PTPRA: variants seen among roughly 807,000 people sequenced by gnomAD.
PTPRA encodes receptor-type tyrosine-protein phosphatase alpha.
A neutral mutation model predicts 104.8 loss-of-function variants in PTPRA; 25 were observed. That is an observed-to-expected ratio of 0.24 (90% CI 0.17 to 0.33). The LOEUF is 0.33. Ranked by LOEUF, PTPRA falls within the 10% of genes least tolerant of loss-of-function variation. PTPRA has a pLI of 1.00. For synonymous variants in PTPRA, 323 were observed against 368.9 expected (o/e 0.88, Z 1.43); for missense variants, 765 against 1,015.3 (o/e 0.75, Z 3.35).
chr20:3,036,434 C>T (rs1027646053), intron 22 of PTPRA, among the ~76,000 whole-genome samples: 13 of 152,246 alleles, frequency 8.5e-5, no homozygotes, highest in Non-Finnish European at 4.4e-5. Flanking sequence ...TGAGGGGTCC[C>T]TGGCCAGGGC....
the PTPRA span, among the ~76,000 whole-genome samples, chr20:2,868,154 C>A: frequency 6.6e-6 from 1 of 152,080 alleles, no homozygotes; most frequent in African/African-American, 2.4e-5. Context: ...GTGGCTGGGT[C>A]CCAAGGACAA....
At chr20:2,941,094 G>A (rs1267937583) in intron 2 of PTPRA, among the ~76,000 whole-genome samples, 2 of 151,856 alleles carry the variant, frequency 1.3e-5, no homozygotes, top group South Asian at 2.1e-4. Context: ...TCAGTGGCGC[G>A]ATCTCAACTC....
chr20:2,957,948 AT>A (rs11480557), intron 3 of PTPRA, among the ~76,000 whole-genome samples: 1,648 of 144,078 alleles, frequency 0.011, 17 homozygotes, highest in African/African-American at 0.031. Flanking sequence ...GAGTTATTTG[AT>A]TTTTTTTTTT....
chr20:3,010,095 C>T (rs921404866), intron 11 of PTPRA, among the ~76,000 whole-genome samples: 1 of 152,038 alleles, frequency 6.6e-6, no homozygotes, highest in Non-Finnish European at 1.5e-5. Flanking sequence ...AGTGATCCAC[C>T]TGCCTCTGCC....
intron 14 of PTPRA, 33 bp downstream of exon 14, chr20:3,021,461 T>A (rs746359682): frequency 6.2e-7 from 1 of 1,612,000 alleles, no homozygotes; most frequent in African/African-American, 1.3e-5. Flanking sequence ...TCAGTTCTTA[T>A]GTTGGATCTG....
At chr20:2,876,348 C>G (rs2089718616) in intron 1 of PTPRA, among the ~76,000 whole-genome samples, 1 of 152,222 alleles carries the variant, frequency 6.6e-6, no homozygotes, top group African/African-American at 2.4e-5. Context: ...CTAACCTCCT[C>G]CCCAGAGATG....
chr20:3,029,476 G>A (rs1431673805), intron 20 of PTPRA, among the ~76,000 whole-genome samples: 1 of 147,994 alleles, frequency 6.8e-6, no homozygotes, highest in Non-Finnish European at 1.5e-5. Context: ...TAACTCATTA[G>A]CTATTCTTCC....
Position 3,003,700 on chromosome 20 carries a change from A to ATTT in PTPRA, c.739-1335_739-1333dup, listed in dbSNP as rs59358849. ...CAGGCATGCACCACCATACCTGGCT[A>ATTT]TTTTTTTTTTTTTTTTTTTTTTTAA... On this transcript the variant is annotated intron_variant, in intron 9 of 23. Coordinates refer to ENST00000399903, the MANE Select transcript of PTPRA (RefSeq NM_001385305.1). Among the ~76,000 whole-genome samples, 300 of 105,540 alleles carry ATTT rather than the reference A, an allele frequency of 2.8e-3. 1 individual carries two copies. Among genetic ancestry groups the ATTT allele is most frequent in the African/African-American group, 0.01 (288 of 27,460 alleles). 69.2% of individuals were successfully genotyped at this position (105,540 alleles called of 152,430 possible). A position where few individuals can be genotyped will look rare whatever the true frequency, so the allele number is the denominator to read the frequency against.
intron 1 of PTPRA, 136 bp from the exon 2 acceptor site, chr20:2,923,071 A>T: frequency 6.8e-6 from 2 of 295,216 alleles, no homozygotes; most frequent in South Asian, 5.9e-5. Context: ...GATTATAGGC[A>T]TGTGCCACCC....
intron 3 of PTPRA, among the ~76,000 whole-genome samples, chr20:2,949,869 T>A (rs1017678021): frequency 1.3e-5 from 2 of 152,136 alleles, no homozygotes; most frequent in Non-Finnish European, 2.9e-5. Flanking sequence ...TCTTTTAATA[T>A]GGGTGAATTA....
At chr20:2,910,610 A>ATTTTTTTTTT (rs1352753968) in intron 1 of PTPRA, among the ~76,000 whole-genome samples, 10 of 45,386 alleles carry the variant, frequency 2.2e-4, no homozygotes, top group South Asian at 1.6e-3. Flanking sequence ...GTTTTTTTTA[A>ATTTTTTTTTT]TTTTTTTTTT....
At chr20:2,869,189 C>T (rs2089399053), upstream of PTPRA, among the ~76,000 whole-genome samples, 1 of 152,206 alleles carries the variant, frequency 6.6e-6, no homozygotes, top group Non-Finnish European at 1.5e-5. Flanking sequence ...CTATATCACA[C>T]ATCTGTTCAT....
chr20:2,963,180 A>G (rs1248226480), intron 3 of PTPRA, among the ~76,000 whole-genome samples: 1 of 152,204 alleles, frequency 6.6e-6, no homozygotes, highest in African/African-American at 2.4e-5. Context: ...CAATCAGCCT[A>G]CCTTCTCCAT....
rs552432168 is a variant in PTPRA, at chr20:2,939,424, G to A, written c.-49-8558G>A. 3.9e-5 allele frequency among the ~76,000 whole-genome samples: 6 copies of A among 152,300 alleles called. 1 individual carries two copies. The South Asian group carries it at 1.2e-3, about 32-fold the overall frequency. The stretch of plus-strand genomic sequence containing the variant: ...AAAGGCGTGCCACCTCATTATGGCA[G>A]AGTTGTGTTGGAAGGCAGAATGCTG... On this transcript the variant is annotated intron_variant, in intron 2 of 23. Transcript: ENST00000399903.
Position 3,019,670 on chromosome 20 carries a change from G to T in PTPRA, c.1042-1639G>T, listed in dbSNP as rs529487510. On this transcript the variant is annotated intron_variant, in intron 13 of 23. Coordinates refer to ENST00000399903, the MANE Select transcript of PTPRA (RefSeq NM_001385305.1). ...AGACGCTCCTCACTTCCCAGACGGG[G>T]TGGCGGCTGGGCAGAGGCTGCAATC... Among the ~76,000 whole-genome samples, 3 of 152,170 alleles carry T rather than the reference G, an allele frequency of 2.0e-5. No homozygotes were observed. The East Asian group carries it at 5.8e-4, about 29-fold the overall frequency.
Position 2,908,379 on chromosome 20 carries a change from C to T in PTPRA, c.-128-14828C>T, listed in dbSNP as rs1347664085. On this transcript the variant is annotated intron_variant, in intron 1 of 23. Coordinates refer to ENST00000399903, the MANE Select transcript of PTPRA (RefSeq NM_001385305.1). ...AGCAGTTTATACATATACAACCAAACGTGGATCAAAAATACGTTATTTGAG... is the reference window on the plus strand; with the variant it reads ...AGCAGTTTATACATATACAACCAAATGTGGATCAAAAATACGTTATTTGAG... 5.3e-5 allele frequency among the ~76,000 whole-genome samples: 8 copies of T among 152,016 alleles called. No homozygotes were observed. The South Asian group carries it at 8.3e-4, about 16-fold the overall frequency.
At chr20:2,910,317 A>ATATATATTTTATAATATATTTTGTATAT (rs2059638619) in intron 1 of PTPRA, among the ~76,000 whole-genome samples, 1 of 61,352 alleles carries the variant, frequency 1.6e-5, no homozygotes, top group Admixed American at 2.1e-4. Flanking sequence ...ATATATTATA[A>ATATATATTTTATAATATATTTTGTATAT]TATATATTTT....
At chr20:2,892,598 G>A (rs1382112780) in intron 1 of PTPRA, among the ~76,000 whole-genome samples, 1 of 152,206 alleles carries the variant, frequency 6.6e-6, no homozygotes, top group Non-Finnish European at 1.5e-5. Flanking sequence ...ATGGTGTACT[G>A]TGTTGCCAGG....
the PTPRA span, chr20:2,864,306 G>A: frequency 6.2e-7 from 1 of 1,614,042 alleles, no homozygotes; most frequent in Non-Finnish European, 8.5e-7. This position sits in a 1 kb window ranked among gnomAD's most constrained non-coding sequence, Gnocchi z 5.2. Flanking sequence ...AAGGCTGGGG[G>A]GCCCCTGGGC....
Sources: gnomAD v4.1 joint callset for allele counts (sites outside exome capture counted in the v4.1 genomes callset) on GRCh38, gnomAD v4.1.1 for gene constraint, Gnocchi (gnomAD v3.1) non-coding constraint, MANE v1.5 for transcripts, NCBI Gene and HGNC (gene_info 2026-07-23, HGNC 2026-07-21) for gene names.